NAV2: variants seen among roughly 807,000 people sequenced by gnomAD.
NAV2 encodes the protein neuron navigator 2.
In NAV2, 54 loss-of-function variants were observed where a neutral mutation model predicts 223.2. The observed-to-expected ratio is 0.24, with a 90% CI of 0.19 to 0.30. The LOEUF (loss-of-function observed/expected upper bound fraction) is 0.30. NAV2 is among the 10% of genes least tolerant of loss of function. NAV2 has a pLI of 1.00. For synonymous variants in NAV2, 1,279 were observed against 1,239.3 expected (o/e 1.03, Z -0.67); for missense variants, 2,806 against 3,147.5 (o/e 0.89, Z 2.60).
chr11:19,627,301 A>T (rs752411403), intron 1 of NAV2, among the ~76,000 whole-genome samples: 3 of 151,994 alleles, frequency 2.0e-5, no homozygotes, highest in Non-Finnish European at 2.9e-5. Context: ...GGCAGGAGAA[A>T]TTGCTTGAAC....
In NAV2 at chr11:19,371,971, G is replaced by GT. The variant is rs749953345; in HGVS notation, c.75+20948dup. Among the ~76,000 whole-genome samples the GT allele has an allele frequency of 1.2e-4, 18 of 152,048 alleles. 1 individual carries two copies. The East Asian group carries it at 1.7e-3, about 15-fold the overall frequency. ...TTTTGTATTTTTTAGTAGAGACAGG[G>GT]TTTTACCATGTTGGCCAGGCTGGTC... is the stretch of plus-strand genomic sequence containing the variant. On this transcript the variant is annotated intron_variant, in intron 1 of 37. Transcript: ENST00000360655.
rs112906811 is a variant in NAV2, at chr11:19,998,682, T to A, written c.2768+14435T>A. ...TTCGTCAGAAGCTTTGCACATACTGTCCCCTCTGCATAGACTGTGCTTCCC... is the reference window on the plus strand; with the variant it reads ...TTCGTCAGAAGCTTTGCACATACTGACCCCTCTGCATAGACTGTGCTTCCC... On this transcript the variant is annotated intron_variant, in intron 11 of 37. Transcript: ENST00000349880. This position sits in a 1 kb window ranked among gnomAD's most constrained non-coding sequence, Gnocchi z 5.0. Among the ~76,000 whole-genome samples, 497 of 149,728 alleles carry A rather than the reference T, an allele frequency of 3.3e-3. 1 individual carries two copies. Among genetic ancestry groups the A allele is most frequent in the African/African-American group, 0.011 (469 of 41,306 alleles).
At chr11:19,684,710 A>G (rs558372507) in intron 1 of NAV2, among the ~76,000 whole-genome samples, 1 of 152,192 alleles carries the variant, frequency 6.6e-6, no homozygotes, top group East Asian at 1.9e-4. Flanking sequence ...AGTGAGGAAT[A>G]TATTTCTCCC....
At chr11:19,438,206 G>A (rs1851278101) in intron 1 of NAV2, among the ~76,000 whole-genome samples, 1 of 152,288 alleles carries the variant, frequency 6.6e-6, no homozygotes, top group South Asian at 2.1e-4. Flanking sequence ...GTGCACCAAG[G>A]TACTCTCCAT....
chr11:20,095,447 G>A (rs918924900), intron 29 of NAV2, among the ~76,000 whole-genome samples: 8 of 152,138 alleles, frequency 5.3e-5, no homozygotes, highest in Non-Finnish European at 1.2e-4. Flanking sequence ...ATTCCAGAGA[G>A]GAAATCCTCT....
intron 11 of NAV2, among the ~76,000 whole-genome samples, chr11:20,018,034 C>T (rs1349391553): frequency 2.0e-5 from 3 of 151,948 alleles, no homozygotes; most frequent in Non-Finnish European, 4.4e-5. Flanking sequence ...TACTGATTCC[C>T]AAATTAAGGA....
chr11:19,424,004 G>T (rs1175334569), intron 1 of NAV2, among the ~76,000 whole-genome samples: 2 of 152,130 alleles, frequency 1.3e-5, no homozygotes, highest in Admixed American at 6.5e-5. Flanking sequence ...AAAACCACAG[G>T]GTCCCCATTT....
chr11:20,060,681 G>A (rs1446394059), intron 19 of NAV2, among the ~76,000 whole-genome samples: 1 of 152,234 alleles, frequency 6.6e-6, no homozygotes, highest in African/African-American at 2.4e-5. Flanking sequence ...TCTGCGAAAT[G>A]AGGAAAGGTC....
chr11:19,838,942 G>A (rs1008980020), intron 2 of NAV2, among the ~76,000 whole-genome samples: 5 of 152,092 alleles, frequency 3.3e-5, no homozygotes, highest in Admixed American at 6.5e-5. Context: ...TTTCACATGC[G>A]CTGTTCTTAA....
intron 1 of NAV2, among the ~76,000 whole-genome samples, chr11:19,449,991 G>C (rs910444830): frequency 6.6e-6 from 1 of 152,142 alleles, no homozygotes; most frequent in Non-Finnish European, 1.5e-5. Flanking sequence ...ATGACAGGAA[G>C]GGATGCCGAT....
At chr11:20,092,439 C>G in intron 28 of NAV2, 71 bp downstream of exon 28, 2 of 1,485,744 alleles carry the variant, frequency 1.3e-6, no homozygotes, top group Non-Finnish European at 9.2e-7. Context: ...AGCGAGAACC[C>G]CAAAATAAGC....
At chr11:19,620,104 G>A (rs928704553) in intron 1 of NAV2, among the ~76,000 whole-genome samples, 1 of 152,092 alleles carries the variant, frequency 6.6e-6, no homozygotes, top group Non-Finnish European at 1.5e-5. Context: ...GCTCTGTTCT[G>A]TTCCATTGAT....
At chr11:19,807,457 C>G (rs2058635045) in intron 1 of NAV2, among the ~76,000 whole-genome samples, 1 of 152,206 alleles carries the variant, frequency 6.6e-6, no homozygotes, top group South Asian at 2.1e-4. Context: ...TTTAGGGTCC[C>G]TTTTTAGAAC....
intron 6 of NAV2, among the ~76,000 whole-genome samples, chr11:19,894,640 C>T (rs1220605437): frequency 1.3e-5 from 2 of 152,136 alleles, no homozygotes; most frequent in African/African-American, 4.8e-5. Flanking sequence ...CTGAGAACAA[C>T]GAGGCCCCTT....
At position 19,713,954 on chromosome 11, in the gene NAV2, G is replaced by C. The variant is rs1051579795; in HGVS notation, c.259G>C (p.Asp87His). The C allele has an allele frequency of 1.2e-6, 2 of 1,613,122 alleles. No individual in the cohort carries two copies. The highest frequency in any genetic ancestry group is 1.7e-6 in the Non-Finnish European group (2 of 1,179,898). Residue 87 changes from aspartate to histidine, a missense_variant, in exon 1 of 38, where the codon GAT (aspartate) becomes CAT (histidine). Physicochemically the swap from Asp to His is moderately conservative, Grantham distance 81 (BLOSUM62 -1). Transcript: ENST00000349880. This position sits in a 1 kb window ranked among gnomAD's most constrained non-coding sequence, Gnocchi z 7.2. The stretch of plus-strand genomic sequence containing the variant: ...GAGCGGCTCGGTGGAAAACGGGTTC[G>C]ATACCCAGGTGAGAGATGCCGTTTG... ...RKSGSVENGF[D>H]TQIYTDWANH... is the part of the protein sequence containing the mutation.
At chr11:20,113,110 A>G (rs1375544062) in intron 36 of NAV2, among the ~76,000 whole-genome samples, 3 of 152,214 alleles carry the variant, frequency 2.0e-5, no homozygotes, top group Non-Finnish European at 4.4e-5. Context: ...GTCCTGCCAC[A>G]TGGACCAAGT....
At chr11:19,932,257 A>AAAGAAAG (rs146890197) in intron 6 of NAV2, among the ~76,000 whole-genome samples, 1 of 100,008 alleles carries the variant, frequency 1.0e-5, no homozygotes, top group Non-Finnish European at 2.0e-5. Flanking sequence ...AAAAAAAAAA[A>AAAGAAAG]AAAGAAAGAA....
intron 1 of NAV2, among the ~76,000 whole-genome samples, chr11:19,397,098 G>C (rs909030655): frequency 9.9e-5 from 15 of 152,196 alleles, no homozygotes; most frequent in Non-Finnish European, 2.1e-4. Flanking sequence ...GATAGAACCA[G>C]GGGTGGTTGG....
At chr11:19,563,665 T>C (rs895269958) in intron 1 of NAV2, among the ~76,000 whole-genome samples, 1 of 152,184 alleles carries the variant, frequency 6.6e-6, no homozygotes, top group Non-Finnish European at 1.5e-5. Context: ...GGCATTTTAA[T>C]ATGTATCCCA....
Sources: gnomAD v4.1 joint callset for allele counts (sites outside exome capture counted in the v4.1 genomes callset) on GRCh38, gnomAD v4.1.1 for gene constraint, Gnocchi (gnomAD v3.1) non-coding constraint, MANE v1.5 for transcripts, NCBI Gene and HGNC (gene_info 2026-07-23, HGNC 2026-07-21) for gene names.